Variants in VIPR2 observed in about 807,000 individuals in gnomAD.
The protein encoded by VIPR2 is vasoactive intestinal peptide receptor 2, also known as vasoactive intestinal polypeptide receptor 2.
Under a neutral mutation model 58.0 loss-of-function variants are expected in VIPR2, and 48 were observed. That is an observed-to-expected ratio of 0.83 (90% CI 0.66 to 1.05). The LOEUF (loss-of-function observed/expected upper bound fraction) is 1.05. Among genes scored for constraint, VIPR2 ranks in the 50% least tolerant of loss-of-function variants. The probability of loss-of-function intolerance (pLI) is 0.00; values close to 1 mark genes in which losing one functional copy is unlikely to be tolerated. For missense variants in VIPR2, 534 were observed against 558.0 expected (o/e 0.96, Z 0.43); for synonymous variants, 243 against 235.2 (o/e 1.03, Z -0.30).
intron 1 of VIPR2, among the ~76,000 whole-genome samples, chr7:159,143,722 A>G (rs1797568568): frequency 1.3e-5 from 2 of 152,276 alleles, no homozygotes; most frequent in Admixed American, 6.5e-5. Flanking sequence ...AAACTTTGTT[A>G]AAGTGTAAAA....
chr7:159,062,248 G>T (rs1212364270), intron 4 of VIPR2, among the ~76,000 whole-genome samples: 1 of 152,202 alleles, frequency 6.6e-6, no homozygotes, highest in African/African-American at 2.4e-5. Context: ...CAGCCCGCAG[G>T]TGAGAGAGCA....
At chr7:159,142,569 T>G in intron 1 of VIPR2, 24 bp from the exon 2 acceptor site, 1 of 1,551,840 alleles carries the variant, frequency 6.4e-7, no homozygotes, top group Non-Finnish European at 8.8e-7. Context: ...AAAGAAATAT[T>G]AATAACTAAA....
At chr7:159,106,524 G>C (rs1284955289) in intron 3 of VIPR2, among the ~76,000 whole-genome samples, 2 of 147,852 alleles carry the variant, frequency 1.4e-5, no homozygotes, top group Middle Eastern at 3.6e-3. Flanking sequence ...AGGAGGGGCA[G>C]AGAGAGGCCA....
chr7:159,144,854 C>A lies in VIPR2; in HGVS notation c.-83G>T, dbSNP rs1257579328. The stretch of plus-strand genomic sequence containing the variant: ...GCGGTTCCGCCGCCTCCAGCATGGG[C>A]CGGGAGCGAGTGCGCGGAGACCTCG... On this transcript the variant is annotated 5_prime_UTR_variant, in exon 1 of 13. Transcript: ENST00000262178. 100 of 1,199,696 alleles carry A rather than the reference C, an allele frequency of 8.3e-5. No homozygotes were observed. The highest frequency in any genetic ancestry group is 1.0e-4 in the Non-Finnish European group (97 of 960,582). The allele number at this position is 1,199,696 out of a possible 1,614,324, so 74.3% of individuals were successfully genotyped here. A position where few individuals can be genotyped will look rare whatever the true frequency, so the allele number is the denominator to read the frequency against.
chr7:159,099,408 G>T lies in VIPR2; in HGVS notation c.357+4349C>A, dbSNP rs546886349. On this transcript the variant is annotated intron_variant, in intron 4 of 12. Transcript: ENST00000262178. The surrounding 1 kb of genome is among the most constrained non-coding windows in gnomAD (Gnocchi z 4.2). ...CCACGTGTCCCTGGGATGCCTCACA[G>T]GGTGTGCCCAGGAGGAGACAGGAGA... Among the ~76,000 whole-genome samples the T allele has an allele frequency of 2.2e-3, 341 of 152,258 alleles. No homozygotes were observed. Among genetic ancestry groups the T allele is most frequent in the African/African-American group, 8.0e-3 (334 of 41,530 alleles).
Position 159,034,583 on chromosome 7 carries a change from T to C in VIPR2, c.877A>G (p.Ile293Val). Residue 293 changes from isoleucine (I) to valine (V), a missense_variant and splice_region_variant, in exon 9 of 13, where the codon ATC becomes GTC. Physicochemically the swap from Ile to Val is conservative, Grantham distance 29. Coordinates refer to ENST00000262178, the MANE Select transcript of VIPR2 (RefSeq NM_003382.5). ...ACATGTCAACAGGGACTACTTACGA[T>C]GATGGAAATTAAAATCGGTATTCGT... Reference protein sequence around the residue: ...VIRIPILISIIVNFVLFISII... With the variant: ...VIRIPILISIVVNFVLFISII... The C allele has an allele frequency of 5.0e-6, 8 of 1,613,332 alleles. No individual in the cohort carries two copies. The highest frequency in any genetic ancestry group is 5.9e-6 in the Non-Finnish European group (7 of 1,179,334).
At chr7:159,110,733 G>A (rs896552668) in intron 2 of VIPR2, among the ~76,000 whole-genome samples, 8 of 151,864 alleles carry the variant, frequency 5.3e-5, no homozygotes, top group African/African-American at 1.9e-4. Context: ...CAAACAATCA[G>A]TTTTCCTTTC....
chr7:159,044,286 T>A (rs1854515077), intron 5 of VIPR2, among the ~76,000 whole-genome samples: 2 of 152,036 alleles, frequency 1.3e-5, no homozygotes, highest in South Asian at 4.1e-4. Flanking sequence ...AGAGTCTTTA[T>A]AAAAATAGTT....
rs746311401 is a variant in VIPR2 at position 159,095,256 on chromosome 7, TA to T, written c.357+8500del. On this transcript the variant is annotated intron_variant, in intron 4 of 12. Coordinates refer to ENST00000262178, the MANE Select transcript of VIPR2 (RefSeq NM_003382.5). This position sits in a 1 kb window ranked among gnomAD's most constrained non-coding sequence, Gnocchi z 5.2. The stretch of plus-strand genomic sequence containing the variant: ...ATTTGATGACACTACTGAAGAGATT[TA>T]AGAGACCAGCCCTGCTTTTAGGGGA... 7.2e-5 allele frequency among the ~76,000 whole-genome samples: 11 copies of T among 152,158 alleles called. No homozygotes were observed. Among genetic ancestry groups the T allele is most frequent in the Non-Finnish European group, 1.6e-4 (11 of 68,030 alleles).
chr7:159,096,591 C>T lies in VIPR2; in HGVS notation c.357+7166G>A, dbSNP rs2075180. Among the ~76,000 whole-genome samples, 2 of 152,158 alleles carry T rather than the reference C, an allele frequency of 1.3e-5. No homozygotes were observed. The highest frequency in any genetic ancestry group is 2.9e-5 in the Non-Finnish European group (2 of 68,032). ...CACCAGCGTATCTGTGCATTTCCTT[C>T]TTAACCTCCTTCCCTGGTCCCGTAT... On this transcript the variant is annotated intron_variant, in intron 4 of 12. Transcript: ENST00000262178. The surrounding 1 kb of genome is among the most constrained non-coding windows in gnomAD (Gnocchi z 5.5).
At chr7:159,126,473 A>G (rs938237209) in intron 2 of VIPR2, among the ~76,000 whole-genome samples, 5 of 152,248 alleles carry the variant, frequency 3.3e-5, no homozygotes, top group African/African-American at 1.2e-4. Flanking sequence ...TGGCAGAAAC[A>G]GAGAGGAAAG....
intron 4 of VIPR2, among the ~76,000 whole-genome samples, chr7:159,067,440 C>T (rs187857563): frequency 5.3e-5 from 8 of 152,228 alleles, no homozygotes; most frequent in Non-Finnish European, 8.8e-5. Context: ...TTTCCACCAA[C>T]GGCCCAGAAC....
intron 4 of VIPR2, among the ~76,000 whole-genome samples, chr7:159,067,335 C>T (rs1585406556): frequency 6.6e-6 from 1 of 152,222 alleles, no homozygotes; most frequent in African/African-American, 2.4e-5. Flanking sequence ...AGGATTTATT[C>T]CCAACACAGA....
intron 6 of VIPR2, among the ~76,000 whole-genome samples, chr7:159,037,910 A>T (rs1198871850): frequency 6.6e-6 from 1 of 152,236 alleles, no homozygotes; most frequent in Non-Finnish European, 1.5e-5. Flanking sequence ...CGTATGGCAG[A>T]TATATATCTG....
At chr7:159,060,969 G>A (rs181863297) in intron 4 of VIPR2, among the ~76,000 whole-genome samples, 1 of 152,174 alleles carries the variant, frequency 6.6e-6, no homozygotes, top group Non-Finnish European at 1.5e-5. Flanking sequence ...ACAAAGCAAA[G>A]ACATGGAATC....
chr7:159,110,383 T>C (rs990598099), intron 2 of VIPR2, among the ~76,000 whole-genome samples: 3 of 152,258 alleles, frequency 2.0e-5, no homozygotes. Context: ...AAATCTTAGG[T>C]TACCTTCATG....
Position 159,099,241 on chromosome 7 carries a change from T to A in VIPR2, c.357+4516A>T, listed in dbSNP as rs561875805. ...ATATGCACTTATAATATTTGCAGAA[T>A]CTCTGAAATGTTTAATTAAGAAGAA... On this transcript the variant is annotated intron_variant, in intron 4 of 12. Transcript: ENST00000262178. This position sits in a 1 kb window ranked among gnomAD's most constrained non-coding sequence, Gnocchi z 4.2. 5.3e-5 allele frequency among the ~76,000 whole-genome samples: 8 copies of A among 152,380 alleles called. No individual in the cohort carries two copies. Among genetic ancestry groups the A allele is most frequent in the African/African-American group, 1.9e-4 (8 of 41,586 alleles).
At chr7:159,075,319 G>A (rs920774767) in intron 4 of VIPR2, among the ~76,000 whole-genome samples, 2 of 152,166 alleles carry the variant, frequency 1.3e-5, no homozygotes, top group Non-Finnish European at 2.9e-5. Flanking sequence ...TAGCCAATTA[G>A]TGACCCAGGT....
Position 159,097,363 on chromosome 7 carries a change from C to A in VIPR2, c.357+6394G>T, listed in dbSNP as rs1857923350. Among the ~76,000 whole-genome samples, 1 of 152,214 alleles carries A rather than the reference C, an allele frequency of 6.6e-6. No homozygotes were observed. The highest frequency in any genetic ancestry group is 2.1e-4 in the South Asian group (1 of 4,832). On this transcript the variant is annotated intron_variant, in intron 4 of 12. Transcript: ENST00000262178. The surrounding 1 kb of genome is among the most constrained non-coding windows in gnomAD (Gnocchi z 5.3). The stretch of plus-strand genomic sequence containing the variant: ...CTCTTGGCTAAATTTAGCAGACGTG[C>A]TCTTTATGTAAGAACGGAGTTAACC...
Sources: allele counts gnomAD v4.1 joint callset (sites outside exome capture counted in the v4.1 genomes callset), GRCh38; gene constraint gnomAD v4.1.1; non-coding constraint Gnocchi (gnomAD v3.1); transcripts MANE v1.5; gene names NCBI Gene and HGNC (gene_info 2026-07-23, HGNC 2026-07-21).